The following RBFOX1 variants were observed in gnomAD, a reference collection of about 807,000 sequenced individuals.
RBFOX1 encodes RNA binding protein fox-1 homolog 1.
A neutral mutation model predicts 57.7 loss-of-function variants in RBFOX1; 8 were observed. The observed-to-expected ratio is 0.14, with a 90% CI of 0.08 to 0.25. The LOEUF (loss-of-function observed/expected upper bound fraction) is 0.25, where lower values mean the gene tolerates loss of function less well. RBFOX1 is among the 10% of genes least tolerant of loss of function. RBFOX1 has a pLI of 1.00. For synonymous variants in RBFOX1, 326 were observed against 222.4 expected (o/e 1.47, Z -4.15); for missense variants, 611 against 548.5 (o/e 1.11, Z -1.14).
chr16:5,650,063 C>G (rs984020344), intron 3 of RBFOX1, among the ~76,000 whole-genome samples: 7 of 152,226 alleles, frequency 4.6e-5, no homozygotes, highest in Admixed American at 2.0e-4. Context: ...TAAGCAAACA[C>G]AAGTTTTGAA....
chr16:6,533,432 C>T (rs1027847599), intron 2 of RBFOX1, among the ~76,000 whole-genome samples: 1 of 152,126 alleles, frequency 6.6e-6, no homozygotes, highest in African/African-American at 2.4e-5. Flanking sequence ...ATCACTGCCA[C>T]GTGGCACCAC....
rs764751178 is a variant in RBFOX1, at chr16:6,019,877, C to A, written c.-242C>A. The A allele has an allele frequency of 4.6e-6, 7 of 1,534,762 alleles. No homozygotes were observed. The South Asian group carries it at 6.0e-5, about 13-fold the overall frequency. On this transcript the variant is annotated 5_prime_UTR_variant, in exon 1 of 16. Coordinates refer to ENST00000550418, the MANE Select transcript of RBFOX1 (RefSeq NM_018723.4). This position sits in a 1 kb window ranked among gnomAD's most constrained non-coding sequence, Gnocchi z 4.2. Reference sequence around the variant, plus strand: ...CGGACAGTGCGTGAGAAACCAGCACCCCCTTCCGCCGCCTCCAGCTTATGG... The same window carrying A: ...CGGACAGTGCGTGAGAAACCAGCACACCCTTCCGCCGCCTCCAGCTTATGG...
intron 1 of RBFOX1, among the ~76,000 whole-genome samples, chr16:6,075,814 A>G (rs1052808955): frequency 2.0e-5 from 3 of 152,224 alleles, no homozygotes; most frequent in African/African-American, 7.2e-5. Flanking sequence ...AACTGTAACT[A>G]TCTCAAATCA....
intron 2 of RBFOX1, among the ~76,000 whole-genome samples, chr16:5,493,690 T>C (rs182581899): frequency 9.2e-5 from 14 of 152,366 alleles, no homozygotes; most frequent in African/African-American, 2.9e-4. Flanking sequence ...AGTGAGGCCA[T>C]GCCGAGTGTT....
intron 3 of RBFOX1, among the ~76,000 whole-genome samples, chr16:6,759,172 A>G (rs1191584249): frequency 1.4e-5 from 2 of 148,030 alleles, no homozygotes; most frequent in African/African-American, 5.0e-5. Context: ...CTTTTGTGAG[A>G]CAGAGTCTCG....
intron 3 of RBFOX1, among the ~76,000 whole-genome samples, chr16:5,666,679 G>A (rs1352742916): frequency 6.6e-6 from 1 of 152,210 alleles, no homozygotes; most frequent in Admixed American, 6.5e-5. Context: ...GATAAAGAAT[G>A]TGAAGGATGA....
chr16:6,506,855 C>A (rs2096110710), intron 2 of RBFOX1, among the ~76,000 whole-genome samples: 1 of 151,992 alleles, frequency 6.6e-6, no homozygotes, highest in Non-Finnish European at 1.5e-5. Context: ...GCCATGTTGG[C>A]CAGGCTGGTC....
At chr16:5,521,750 A>G (rs914236769) in intron 2 of RBFOX1, among the ~76,000 whole-genome samples, 12 of 152,200 alleles carry the variant, frequency 7.9e-5, no homozygotes, top group Non-Finnish European at 1.6e-4. Context: ...TGTTCACACA[A>G]TATACCCAGG....
chr16:6,260,962 T>C (rs1010187954), intron 1 of RBFOX1, among the ~76,000 whole-genome samples: 6 of 152,198 alleles, frequency 3.9e-5, no homozygotes, highest in African/African-American at 1.2e-4. Flanking sequence ...GAGAGTAATG[T>C]TGATTTTCCC....
At chr16:5,725,558 C>T (rs187751485) in intron 3 of RBFOX1, among the ~76,000 whole-genome samples, 43 of 151,938 alleles carry the variant, frequency 2.8e-4, no homozygotes, top group African/African-American at 9.2e-4. Flanking sequence ...CCACTGCACC[C>T]AGCTCATAGC....
intron 2 of RBFOX1, among the ~76,000 whole-genome samples, chr16:5,479,266 G>T (rs1597232130): frequency 6.6e-6 from 1 of 152,234 alleles, no homozygotes; most frequent in African/African-American, 2.4e-5. Context: ...TTGCCAATCA[G>T]ATGACATGTT....
Position 7,514,485 on chromosome 16 carries a change from A to C in RBFOX1, c.28-3662A>C, listed in dbSNP as rs552677099. Among the ~76,000 whole-genome samples the C allele has an allele frequency of 4.6e-5, 7 of 152,264 alleles. No individual in the cohort carries two copies. The South Asian group carries it at 1.5e-3, about 32-fold the overall frequency. ...ACAGTGTCCTGTTTTCAGGGAGCTCACAGACAAATAATCAGGCTGTGGCAG... is the reference window on the plus strand; with the variant it reads ...ACAGTGTCCTGTTTTCAGGGAGCTCCCAGACAAATAATCAGGCTGTGGCAG... On this transcript the variant is annotated intron_variant, in intron 4 of 15. Transcript: ENST00000550418.
At chr16:7,075,134 C>G (rs12930330) in intron 4 of RBFOX1, among the ~76,000 whole-genome samples, 105,995 of 152,088 alleles carry the variant, frequency 0.7, 37,958 homozygotes, top group East Asian at 0.89. Flanking sequence ...TGAGGCTGTG[C>G]AGTTGATCTT....
At chr16:6,081,992 G>C (rs1429463504) in intron 1 of RBFOX1, among the ~76,000 whole-genome samples, 1 of 152,120 alleles carries the variant, frequency 6.6e-6, no homozygotes, top group Non-Finnish European at 1.5e-5. Flanking sequence ...TTAATATTTT[G>C]AGTGTGGAGT....
At chr16:7,579,102 C>T (rs2093555871) in intron 5 of RBFOX1, among the ~76,000 whole-genome samples, 1 of 152,166 alleles carries the variant, frequency 6.6e-6, no homozygotes. Context: ...GCAGCTAATG[C>T]AAACAAAGTT....
At chr16:5,807,272 T>C (rs1360556378) in intron 3 of RBFOX1, among the ~76,000 whole-genome samples, 1 of 152,142 alleles carries the variant, frequency 6.6e-6, no homozygotes, top group Non-Finnish European at 1.5e-5. Flanking sequence ...TGGATATGAA[T>C]TGCATCTTCT....
chr16:6,278,971 C>A (rs1482839251), intron 1 of RBFOX1, among the ~76,000 whole-genome samples: 1 of 151,884 alleles, frequency 6.6e-6, no homozygotes, highest in Admixed American at 6.6e-5. Context: ...GGTTTGTGTT[C>A]TATTTTCCAT....
At chr16:6,835,388 C>T (rs1416474931) in intron 3 of RBFOX1, among the ~76,000 whole-genome samples, 1 of 152,110 alleles carries the variant, frequency 6.6e-6, no homozygotes, top group Non-Finnish European at 1.5e-5. Context: ...GATATAGGAC[C>T]TGTATTAAAG....
intron 6 of RBFOX1, among the ~76,000 whole-genome samples, chr16:7,582,512 G>A (rs549518299): frequency 8.5e-4 from 129 of 152,240 alleles, no homozygotes; most frequent in African/African-American, 2.9e-3. Context: ...AAACACCGGT[G>A]GTCATGGAGC....
Sources: gnomAD v4.1 joint callset for allele counts (sites outside exome capture counted in the v4.1 genomes callset) on GRCh38, gnomAD v4.1.1 for gene constraint, Gnocchi (gnomAD v3.1) non-coding constraint, MANE v1.5 for transcripts, NCBI Gene and HGNC (gene_info 2026-07-23, HGNC 2026-07-21) for gene names.